Variants in CAMKMT observed in about 807,000 individuals in gnomAD.
CAMKMT encodes calmodulin-lysine N-methyltransferase.
In CAMKMT, 53 loss-of-function variants were observed where a neutral mutation model predicts 48.0. The observed-to-expected ratio is 1.10, with a 90% confidence interval of 0.89 to 1.39. The LOEUF (loss-of-function observed/expected upper bound fraction) is 1.39, where lower values mean the gene tolerates loss of function less well. CAMKMT is among the 40% of genes most tolerant of loss of function. CAMKMT has a pLI of 0.00. For missense variants in CAMKMT, 428 were observed against 402.7 expected (o/e 1.06, Z -0.54); for synonymous variants, 165 against 152.3 (o/e 1.08, Z -0.61).
chr2:44,765,531 TAAA>T (rs34921648), intron 9 of CAMKMT, among the ~76,000 whole-genome samples: 9 of 132,164 alleles, frequency 6.8e-5, no homozygotes, highest in African/African-American at 2.0e-4. Flanking sequence ...TTTTTTTTTT[TAAA>T]AAAAAAAAAG....
intron 3 of CAMKMT, among the ~76,000 whole-genome samples, chr2:44,634,467 C>T (rs12987925): frequency 6.6e-6 from 1 of 151,622 alleles, no homozygotes; most frequent in Non-Finnish European, 1.5e-5. Flanking sequence ...CTAGTACCAG[C>T]TTTCAGTCAT....
intron 3 of CAMKMT, among the ~76,000 whole-genome samples, chr2:44,436,991 A>G (rs1453389628): frequency 6.6e-6 from 1 of 152,218 alleles, no homozygotes; most frequent in Non-Finnish European, 1.5e-5. Context: ...GTGGATTTTG[A>G]CAGTTACAGA....
intron 3 of CAMKMT, among the ~76,000 whole-genome samples, chr2:44,536,553 C>G (rs948213106): frequency 6.6e-6 from 1 of 151,956 alleles, no homozygotes; most frequent in Non-Finnish European, 1.5e-5. Flanking sequence ...GTTTCATACT[C>G]CTGACCTCAA....
At chr2:44,679,596 G>A in intron 3 of CAMKMT, among the ~76,000 whole-genome samples, 1 of 152,224 alleles carries the variant, frequency 6.6e-6, no homozygotes, top group East Asian at 1.9e-4. Context: ...TAAATGCATA[G>A]CCTGCGCCAT....
chr2:44,737,738 TTCTC>T (rs563665419), intron 7 of CAMKMT, among the ~76,000 whole-genome samples: 2 of 150,706 alleles, frequency 1.3e-5, no homozygotes, highest in South Asian at 2.1e-4. Context: ...ATCTCCAGAG[TTCTC>T]TCTCTCTCTC....
intron 2 of CAMKMT, among the ~76,000 whole-genome samples, chr2:44,386,192 T>C (rs1680763027): frequency 6.6e-6 from 1 of 152,112 alleles, no homozygotes; most frequent in South Asian, 2.1e-4. Flanking sequence ...TTCTCATGCT[T>C]TACTGACTGG....
intron 3 of CAMKMT, among the ~76,000 whole-genome samples, chr2:44,568,014 G>T (rs1202101221): frequency 1.3e-5 from 2 of 150,560 alleles, no homozygotes; most frequent in Admixed American, 6.7e-5. Context: ...GATAAGGGTC[G>T]CTCTTAGAGC....
intron 3 of CAMKMT, among the ~76,000 whole-genome samples, chr2:44,629,691 A>G (rs573689216): frequency 6.6e-6 from 1 of 152,254 alleles, no homozygotes; most frequent in Admixed American, 6.5e-5. Context: ...CTTACAATGG[A>G]CATGAAGGAC....
rs374202546 is a variant in CAMKMT at position 44,764,499 on chromosome 2, CAGCGAGGATGGGTTA to C, written c.763-1928_763-1914del. Among the ~76,000 whole-genome samples the C allele has an allele frequency of 5.8e-4, 88 of 152,304 alleles. 1 individual carries two copies. Among genetic ancestry groups the C allele is most frequent in the African/African-American group, 2.1e-3 (88 of 41,560 alleles). ...TAATGGATGAGAAAACTCAGTGGAT[CAGCGAGGATGGGTTA>C]AGGTTCTTATCGACAAAATGGAGAG... On this transcript the variant is annotated intron_variant, in intron 9 of 10. Coordinates refer to ENST00000378494, the MANE Select transcript of CAMKMT (RefSeq NM_024766.5).
chr2:44,373,002 C>T (rs1048301364), intron 2 of CAMKMT, 114 bp downstream of exon 2: 1 of 995,892 alleles, frequency 1.0e-6, no homozygotes, highest in Non-Finnish European at 1.5e-6. Flanking sequence ...CAATCTTTTT[C>T]AGAACTTAGG....
intron 7 of CAMKMT, among the ~76,000 whole-genome samples, chr2:44,729,732 A>G (rs1678980313): frequency 6.6e-6 from 1 of 152,180 alleles, no homozygotes; most frequent in African/African-American, 2.4e-5. Flanking sequence ...CCAAGAAAGA[A>G]GAAAGAAGAA....
intron 9 of CAMKMT, among the ~76,000 whole-genome samples, chr2:44,759,714 C>T (rs1413126709): frequency 6.6e-6 from 1 of 152,122 alleles, no homozygotes; most frequent in South Asian, 2.1e-4. Flanking sequence ...GGTTTTAAGA[C>T]CCTCAGTGCA....
chr2:44,668,544 T>C (rs1418639198), intron 3 of CAMKMT, among the ~76,000 whole-genome samples: 2 of 152,212 alleles, frequency 1.3e-5, no homozygotes, highest in African/African-American at 2.4e-5. Flanking sequence ...TTCTCTGCTC[T>C]TTTTCATAGC....
intron 3 of CAMKMT, among the ~76,000 whole-genome samples, chr2:44,487,998 G>C (rs1669292386): frequency 6.6e-6 from 1 of 152,166 alleles, no homozygotes; most frequent in African/African-American, 2.4e-5. Flanking sequence ...TTTCATACTA[G>C]CTTTGTAAAG....
chr2:44,367,798 C>A (rs1678762843), intron 1 of CAMKMT, among the ~76,000 whole-genome samples: 1 of 152,202 alleles, frequency 6.6e-6, no homozygotes, highest in Non-Finnish European at 1.5e-5. Flanking sequence ...AGAAATGTAT[C>A]TATCAAAGTA....
Position 44,504,434 on chromosome 2 carries a change from T to C in CAMKMT, c.376+114129T>C, listed in dbSNP as rs186831301. On this transcript the variant is annotated intron_variant, in intron 3 of 10. Transcript: ENST00000378494. ...GCTTTTTGAGAGCTCATAATTGGCT[T>C]ACCTTATGATTCCATAAAAGTGAAT... Among the ~76,000 whole-genome samples the C allele has an allele frequency of 1.1e-4, 16 of 152,304 alleles. 1 individual carries two copies. The East Asian group carries it at 2.9e-3, about 28-fold the overall frequency.
At chr2:44,636,341 C>T (rs1673133862) in intron 3 of CAMKMT, among the ~76,000 whole-genome samples, 1 of 152,170 alleles carries the variant, frequency 6.6e-6, no homozygotes, top group Admixed American at 6.5e-5. Flanking sequence ...ATCAGGAAGA[C>T]ACAATTACCA....
intron 3 of CAMKMT, among the ~76,000 whole-genome samples, chr2:44,536,798 A>G (rs1387635028): frequency 6.6e-6 from 1 of 152,228 alleles, no homozygotes; most frequent in Non-Finnish European, 1.5e-5. Flanking sequence ...ACAGCATGGT[A>G]TCAGTATAAA....
At chr2:44,679,882 T>A (rs1675922160) in intron 3 of CAMKMT, among the ~76,000 whole-genome samples, 1 of 152,222 alleles carries the variant, frequency 6.6e-6, no homozygotes, top group Non-Finnish European at 1.5e-5. Context: ...CCTACTGATC[T>A]CCGCTAAGTG....
Sources: gnomAD v4.1 joint callset for allele counts (sites outside exome capture counted in the v4.1 genomes callset) on GRCh38, gnomAD v4.1.1 for gene constraint, MANE v1.5 for transcripts, NCBI Gene and HGNC (gene_info 2026-07-23, HGNC 2026-07-21) for gene names.